Variants in CTNNA3 observed in about 807,000 individuals in gnomAD.
CTNNA3 encodes the protein catenin alpha 3, also known as catenin alpha-3.
Under a neutral mutation model 95.7 loss-of-function variants are expected in CTNNA3, and 76 were observed. That is an observed-to-expected ratio of 0.79 (90% CI 0.66 to 0.96). CTNNA3 has a LOEUF of 0.96. Ranked by LOEUF, CTNNA3 falls within the 40% of genes least tolerant of loss-of-function variation. The probability of loss-of-function intolerance (pLI) is 0.00; values close to 1 mark genes in which losing one functional copy is unlikely to be tolerated. For missense variants in CTNNA3, 1,191 were observed against 1,089.8 expected (o/e 1.09, Z -1.31); for synonymous variants, 431 against 374.4 (o/e 1.15, Z -1.74).
At chr10:67,464,209 C>T (rs1260570170) in intron 5 of CTNNA3, among the ~76,000 whole-genome samples, 1 of 152,160 alleles carries the variant, frequency 6.6e-6, no homozygotes, top group Non-Finnish European at 1.5e-5. Context: ...TCTATTCATG[C>T]TTGCCCTTGG....
chr10:66,665,175 A>G (rs1424827793), intron 9 of CTNNA3, among the ~76,000 whole-genome samples: 2 of 151,556 alleles, frequency 1.3e-5, no homozygotes, highest in African/African-American at 4.9e-5. Flanking sequence ...AATTTCTACT[A>G]TTTCATATAA....
intron 7 of CTNNA3, among the ~76,000 whole-genome samples, chr10:66,981,060 C>T (rs1374896937): frequency 6.6e-6 from 1 of 152,124 alleles, no homozygotes; most frequent in African/African-American, 2.4e-5. Context: ...CATGCTCCAC[C>T]ATGCCTGGCT....
At chr10:66,168,044 A>G (rs973196235) in intron 13 of CTNNA3, among the ~76,000 whole-genome samples, 1 of 152,144 alleles carries the variant, frequency 6.6e-6, no homozygotes, top group African/African-American at 2.4e-5. Flanking sequence ...GAGATCTAAG[A>G]GGTGCATTCC....
intron 6 of CTNNA3, among the ~76,000 whole-genome samples, chr10:67,205,895 A>G: frequency 6.6e-6 from 1 of 152,208 alleles, no homozygotes; most frequent in African/African-American, 2.4e-5. Context: ...TCTTCTTAAA[A>G]GTGAAATAAG....
intron 1 of CTNNA3, among the ~76,000 whole-genome samples, chr10:67,755,320 G>C (rs1023235846): frequency 3.3e-5 from 5 of 151,886 alleles, no homozygotes; most frequent in African/African-American, 9.7e-5. Flanking sequence ...AGTTTAAATT[G>C]TTCTTATAAA....
chr10:67,728,440 G>GTA (rs1841256831), intron 1 of CTNNA3, among the ~76,000 whole-genome samples: 2 of 147,820 alleles, frequency 1.4e-5, no homozygotes, highest in South Asian at 4.4e-4. Context: ...ATGTATATGT[G>GTA]TATATATATT....
intron 13 of CTNNA3, among the ~76,000 whole-genome samples, chr10:66,167,284 A>T (rs1414224483): frequency 6.6e-6 from 1 of 152,198 alleles, no homozygotes; most frequent in Non-Finnish European, 1.5e-5. Flanking sequence ...TAGAAAAAAA[A>T]TTATATGTTA....
chr10:66,503,457 A>C (rs1840346216), intron 11 of CTNNA3, among the ~76,000 whole-genome samples: 1 of 150,932 alleles, frequency 6.6e-6, no homozygotes, highest in African/African-American at 2.4e-5. Context: ...AAGCATACAT[A>C]ACTCCCTCCA....
Position 66,477,523 on chromosome 10 carries a change from C to T in CTNNA3, c.1531+43094G>A, listed in dbSNP as rs568448729. On this transcript the variant is annotated intron_variant, in intron 11 of 17. Coordinates refer to ENST00000433211, the MANE Select transcript of CTNNA3 (RefSeq NM_013266.4). The stretch of plus-strand genomic sequence containing the variant: ...ATGGCTTCCAGGAATATTTCTACGA[C>T]CCACTCTGAAAATTCACTCAAACTC... Among the ~76,000 whole-genome samples the T allele has an allele frequency of 2.0e-5, 3 of 152,098 alleles. No homozygotes were observed. The South Asian group carries it at 6.2e-4, about 32-fold the overall frequency.
chr10:66,109,459 T>A (rs1202639334), intron 13 of CTNNA3, among the ~76,000 whole-genome samples: 1 of 152,168 alleles, frequency 6.6e-6, no homozygotes. Flanking sequence ...AGTCATGAGA[T>A]ATAATTAAAT....
chr10:67,318,199 A>C (rs1333797425), intron 5 of CTNNA3, among the ~76,000 whole-genome samples: 1 of 152,168 alleles, frequency 6.6e-6, no homozygotes, highest in African/African-American at 2.4e-5. Flanking sequence ...AATTGAACAC[A>C]TTCTGCCTGA....
At chr10:67,305,007 T>C (rs917658312) in intron 5 of CTNNA3, among the ~76,000 whole-genome samples, 1 of 152,150 alleles carries the variant, frequency 6.6e-6, no homozygotes, top group African/African-American at 2.4e-5. Context: ...CTGGGTGCGG[T>C]GGCTCATGCC....
chr10:66,081,268 C>T (rs1197929590), intron 14 of CTNNA3, among the ~76,000 whole-genome samples: 6 of 151,974 alleles, frequency 3.9e-5, no homozygotes, highest in Admixed American at 2.0e-4. Context: ...ATGAATCATC[C>T]TATGGTGGCA....
At chr10:66,750,918 T>G (rs1839106473) in intron 9 of CTNNA3, among the ~76,000 whole-genome samples, 1 of 152,188 alleles carries the variant, frequency 6.6e-6, no homozygotes, top group Admixed American at 6.5e-5. Context: ...AATTTAAATT[T>G]ATACCTAAGT....
chr10:66,722,044 G>T (rs781100211), intron 9 of CTNNA3, among the ~76,000 whole-genome samples: 1 of 152,148 alleles, frequency 6.6e-6, no homozygotes, highest in Non-Finnish European at 1.5e-5. Context: ...GGGTATTATA[G>T]TATAACCAGG....
chr10:67,089,654 T>C (rs2131903999), intron 7 of CTNNA3, among the ~76,000 whole-genome samples: 1 of 151,842 alleles, frequency 6.6e-6, no homozygotes, highest in South Asian at 2.1e-4. Flanking sequence ...TTGGCACACA[T>C]AAAGGATGAA....
At chr10:66,758,039 CTTTT>C (rs1191207950) in intron 9 of CTNNA3, among the ~76,000 whole-genome samples, 1 of 151,968 alleles carries the variant, frequency 6.6e-6, no homozygotes, top group Non-Finnish European at 1.5e-5. Flanking sequence ...CTTTTCTTTT[CTTTT>C]TATTATTTTT....
At chr10:65,988,610 T>C in intron 16 of CTNNA3, 82 bp downstream of exon 16, 1 of 1,127,166 alleles carries the variant, frequency 8.9e-7, no homozygotes, top group Non-Finnish European at 1.3e-6. Context: ...AGAGTAAAAA[T>C]TTAACTTTGC....
chr10:66,785,606 T>C (rs1840709868), intron 7 of CTNNA3, among the ~76,000 whole-genome samples: 3 of 152,134 alleles, frequency 2.0e-5, no homozygotes, highest in Admixed American at 6.6e-5. Context: ...GGCCTTGGAC[T>C]GGGAGTTACA....
Sources: gnomAD v4.1 joint callset for allele counts (sites outside exome capture counted in the v4.1 genomes callset) on GRCh38, gnomAD v4.1.1 for gene constraint, MANE v1.5 for transcripts, NCBI Gene and HGNC (gene_info 2026-07-23, HGNC 2026-07-21) for gene names.